EYS: variants seen among roughly 807,000 people sequenced by gnomAD.
EYS encodes the protein protein eyes shut homolog.
EYS carries 250 observed loss-of-function variants against 282.1 expected under a neutral mutation model. That is an observed-to-expected ratio of 0.89 (90% CI 0.80 to 0.98). The LOEUF is 0.98. Among genes scored for constraint, EYS ranks in the 50% least tolerant of loss-of-function variants. The pLI, the probability that EYS is intolerant of heterozygous loss-of-function variation, is 0.00. For missense variants in EYS, 4,016 were observed against 3,709.0 expected (o/e 1.08, Z -2.15); for synonymous variants, 1,355 against 1,282.9 (o/e 1.06, Z -1.20).
chr6:65,325,331 T>G lies in EYS; in HGVS notation c.1766+9649A>C, dbSNP rs964716586. Among the ~76,000 whole-genome samples, 86 of 152,252 alleles carry G rather than the reference T, an allele frequency of 5.6e-4. 1 individual carries two copies. The highest frequency in any genetic ancestry group is 2.0e-3 in the African/African-American group (85 of 41,534). ...ATCAATAATAATATTTTAAATAAAT[T>G]TTTAAGCACATATACAACAAACGCT... On this transcript the variant is annotated intron_variant, in intron 11 of 42. Transcript: ENST00000503581.
chr6:64,664,627 G>A (rs1270478985), intron 22 of EYS, among the ~76,000 whole-genome samples: 1 of 152,176 alleles, frequency 6.6e-6, no homozygotes, highest in Admixed American at 6.6e-5. Context: ...ATTGGGAGGT[G>A]AGACTTTTAC....
intron 31 of EYS, among the ~76,000 whole-genome samples, chr6:64,120,472 C>G (rs1230737120): frequency 6.7e-6 from 1 of 150,100 alleles, no homozygotes; most frequent in African/African-American, 2.4e-5. Flanking sequence ...ATTCAAACTA[C>G]TTTCTAAAAT....
At position 65,104,197 on chromosome 6, in the gene EYS, T is replaced by G. The variant is rs973743812; in HGVS notation, c.2024-46470A>C. 9.2e-5 allele frequency among the ~76,000 whole-genome samples: 14 copies of G among 151,474 alleles called. 1 individual carries two copies. The highest frequency in any genetic ancestry group is 3.1e-4 in the African/African-American group (13 of 41,374). On this transcript the variant is annotated intron_variant, in intron 12 of 42. Transcript: ENST00000503581. The stretch of plus-strand genomic sequence containing the variant: ...ATTACACTATCATCACTTCCAATGT[T>G]TTTCTAAAGCAAAAATAGTTAACGA...
At chr6:64,306,260 C>T (rs1365762283) in intron 30 of EYS, among the ~76,000 whole-genome samples, 2 of 152,126 alleles carry the variant, frequency 1.3e-5, no homozygotes, top group East Asian at 3.9e-4. Flanking sequence ...AGCAACCTCA[C>T]ATTGATTAAG....
chr6:64,686,859 ATATATATACGTG>A lies in EYS; in HGVS notation c.3444-60626_3444-60615del, dbSNP rs1343433538. ...TATACGTGTATATATATATATGTGT[ATATATATACGTG>A]TATATATATATACACACACATATAT... is the stretch of plus-strand genomic sequence containing the variant. On this transcript the variant is annotated intron_variant, in intron 22 of 42. Coordinates refer to ENST00000503581, the MANE Select transcript of EYS (RefSeq NM_001142800.2). 3.3e-3 allele frequency among the ~76,000 whole-genome samples: 372 copies of A among 111,736 alleles called. 73 individuals carry two copies. Among genetic ancestry groups the A allele is most frequent in the African/African-American group, 0.012 (347 of 28,922 alleles). The allele number at this position is 111,736 out of a possible 152,430, so 73.3% of individuals were successfully genotyped here.
intron 31 of EYS, among the ~76,000 whole-genome samples, chr6:64,109,391 A>G (rs1408278109): frequency 6.6e-6 from 1 of 151,702 alleles, no homozygotes; most frequent in East Asian, 1.9e-4. Flanking sequence ...TATTTCTTTC[A>G]TTTCTTTGAA....
intron 13 of EYS, among the ~76,000 whole-genome samples, chr6:65,050,437 T>C (rs931992661): frequency 1.4e-4 from 22 of 151,774 alleles, no homozygotes; most frequent in African/African-American, 5.1e-4. Flanking sequence ...TAACTTATTA[T>C]GGACTCAGTA....
intron 26 of EYS, among the ~76,000 whole-genome samples, chr6:64,485,213 G>A (rs1776546202): frequency 6.6e-6 from 1 of 151,584 alleles, no homozygotes; most frequent in Non-Finnish European, 1.5e-5. Context: ...TTGGCCTGTA[G>A]GAAGGAAGAG....
chr6:64,243,182 C>A (rs1044077087), intron 30 of EYS, among the ~76,000 whole-genome samples: 2 of 151,776 alleles, frequency 1.3e-5, no homozygotes, highest in Non-Finnish European at 2.9e-5. Flanking sequence ...AAACCCAATA[C>A]ACTTTCATTG....
chr6:64,190,222 G>T (rs1182588217), intron 31 of EYS, among the ~76,000 whole-genome samples: 1 of 152,156 alleles, frequency 6.6e-6, no homozygotes, highest in Non-Finnish European at 1.5e-5. Context: ...AAATGAAACT[G>T]TACCCTCAGG....
chr6:65,183,510 T>C (rs1226364557), intron 12 of EYS, among the ~76,000 whole-genome samples: 2 of 151,952 alleles, frequency 1.3e-5, no homozygotes, highest in Non-Finnish European at 1.5e-5. Context: ...ACATATCTTA[T>C]AGTACTAAAA....
intron 31 of EYS, among the ~76,000 whole-genome samples, chr6:64,140,330 T>G (rs1774301104): frequency 6.6e-6 from 1 of 152,206 alleles, no homozygotes. Context: ...GATACTGAAT[T>G]AATTTCTTGC....
chr6:65,354,678 G>T (rs1271065783), intron 8 of EYS, among the ~76,000 whole-genome samples: 2 of 152,024 alleles, frequency 1.3e-5, no homozygotes, highest in Non-Finnish European at 2.9e-5. Flanking sequence ...TTAGTCAGGT[G>T]CAGTGGCGTG....
In EYS at chr6:64,230,618, T is replaced by C; in HGVS notation, c.6398A>G (p.His2133Arg). 6.5e-7 allele frequency: 1 copy of C among 1,549,324 alleles called. No homozygotes were observed. ...TTTTTCACAGAAGCGGCCAGTGAAA[T>C]GTAGTGGACAGTCACATTGGAATGA... ...IVSFQCDCPLHFTGRFCEKDA... is the reference protein window; with the variant it reads ...IVSFQCDCPLRFTGRFCEKDA... Residue 2133 changes from histidine to arginine, a missense_variant, in exon 31 of 43, where the codon CAT becomes CGT. Physicochemically the swap from His to Arg is conservative, Grantham distance 29 (BLOSUM62 0). Transcript: ENST00000503581.
chr6:65,099,636 T>C (rs1164876481), intron 12 of EYS, among the ~76,000 whole-genome samples: 1 of 150,706 alleles, frequency 6.6e-6, no homozygotes, highest in African/African-American at 2.4e-5. Context: ...TGATGGAATT[T>C]CCAGGGTAAT....
At chr6:63,861,020 T>C (rs1202378635) in intron 36 of EYS, among the ~76,000 whole-genome samples, 1 of 152,236 alleles carries the variant, frequency 6.6e-6, no homozygotes, top group Non-Finnish European at 1.5e-5. Context: ...ATGATTCCCC[T>C]GGATTATACC....
At chr6:64,353,543 C>T (rs1040789281) in intron 29 of EYS, among the ~76,000 whole-genome samples, 4 of 151,456 alleles carry the variant, frequency 2.6e-5, no homozygotes, top group Admixed American at 1.3e-4. Context: ...AAATTTTTCC[C>T]TCTGGGTTTG....
intron 26 of EYS, among the ~76,000 whole-genome samples, chr6:64,482,218 C>A (rs1776456289): frequency 2.0e-5 from 3 of 151,636 alleles, no homozygotes. Flanking sequence ...TCTAAGGTAA[C>A]TTAGCCTGTC....
chr6:65,157,692 A>G (rs1004053725), intron 12 of EYS, among the ~76,000 whole-genome samples: 8 of 150,768 alleles, frequency 5.3e-5, no homozygotes, highest in Non-Finnish European at 1.0e-4. Flanking sequence ...TTAAAATATT[A>G]TATCTATTTT....
Sources: gnomAD v4.1 joint callset for allele counts (sites outside exome capture counted in the v4.1 genomes callset) on GRCh38, gnomAD v4.1.1 for gene constraint, MANE v1.5 for transcripts, NCBI Gene and HGNC (gene_info 2026-07-23, HGNC 2026-07-21) for gene names.